MYT1L: variants seen among roughly 807,000 people sequenced by gnomAD.
MYT1L encodes the protein myelin transcription factor 1-like protein.
A neutral mutation model predicts 126.7 loss-of-function variants in MYT1L; 12 were observed. The observed-to-expected ratio is 0.09, with a 90% CI of 0.06 to 0.15. The LOEUF is 0.15. MYT1L is among the 10% of genes least tolerant of loss of function. The pLI is 1.00. For missense variants in MYT1L, 979 were observed against 1,585.2 expected, an observed-to-expected ratio of 0.62 and a Z score of 6.49; for synonymous variants, 541 against 604.2, an observed-to-expected ratio of 0.90 and a Z score of 1.53.
chr2:1,982,845 C>T (rs570889718), intron 5 of MYT1L, among the ~76,000 whole-genome samples: 2 of 152,310 alleles, frequency 1.3e-5, no homozygotes, highest in East Asian at 3.9e-4. Context: ...TTTATGATTT[C>T]TCTTGCTGTA....
intron 2 of MYT1L, among the ~76,000 whole-genome samples, chr2:2,231,155 C>T (rs1349834285): frequency 6.6e-6 from 1 of 152,180 alleles, no homozygotes; most frequent in African/African-American, 2.4e-5. Context: ...TCACTGGTTC[C>T]CAGACTATTG....
chr2:2,067,333 C>T (rs2074004068), intron 3 of MYT1L, among the ~76,000 whole-genome samples: 1 of 152,146 alleles, frequency 6.6e-6, no homozygotes, highest in Admixed American at 6.5e-5. Context: ...ATTAAAAATA[C>T]ATATATTCCT....
chr2:1,865,930 A>C (rs1332151034), intron 18 of MYT1L, among the ~76,000 whole-genome samples: 1 of 152,228 alleles, frequency 6.6e-6, no homozygotes, highest in Non-Finnish European at 1.5e-5. Context: ...TGAAATAGGC[A>C]CAGGCATTCA....
At chr2:2,063,108 T>G (rs2070750473) in intron 3 of MYT1L, among the ~76,000 whole-genome samples, 1 of 152,192 alleles carries the variant, frequency 6.6e-6, no homozygotes, top group Non-Finnish European at 1.5e-5. Flanking sequence ...GTGAGATTTT[T>G]TAAATTTAAA....
At chr2:1,985,302 A>G (rs2060926700) in intron 5 of MYT1L, among the ~76,000 whole-genome samples, 3 of 152,350 alleles carry the variant, frequency 2.0e-5, no homozygotes, top group African/African-American at 7.2e-5. Flanking sequence ...TGTGAGGGGT[A>G]AGGAAGGCTC....
chr2:1,966,870 G>GA (rs1332608456), intron 8 of MYT1L, among the ~76,000 whole-genome samples: 1 of 152,032 alleles, frequency 6.6e-6, no homozygotes, highest in Non-Finnish European at 1.5e-5. Flanking sequence ...AAAATCAGAG[G>GA]AAAAATCTAG....
intron 2 of MYT1L, among the ~76,000 whole-genome samples, chr2:2,205,078 C>G (rs1339128641): frequency 7.7e-6 from 1 of 130,186 alleles, no homozygotes; most frequent in South Asian, 2.4e-4. Context: ...CACATGGACA[C>G]AGGAAGGGGA....
rs575526456 is a variant in MYT1L at position 2,253,219 on chromosome 2, C to A, written c.-421+31185G>T. Among the ~76,000 whole-genome samples, 21 of 152,330 alleles carry A rather than the reference C, an allele frequency of 1.4e-4. 2 individuals carry two copies. In the South Asian group the frequency reaches 3.9e-3, roughly 29 times the overall value. ...AGCCGGAGCGGGCTCCACTGTCCAG[C>A]CTGGTCTCCATTCCAGCTGCAGCTT... On this transcript the variant is annotated intron_variant, in intron 2 of 24. Coordinates refer to ENST00000647738, the MANE Select transcript of MYT1L (RefSeq NM_001303052.2).
At chr2:2,234,810 A>C (rs569476414) in intron 2 of MYT1L, among the ~76,000 whole-genome samples, 1 of 152,344 alleles carries the variant, frequency 6.6e-6, no homozygotes, top group South Asian at 2.1e-4. Context: ...GCAAAATAAC[A>C]TAGGCTATTA....
At chr2:2,065,036 A>G (rs1416236698) in intron 3 of MYT1L, among the ~76,000 whole-genome samples, 1 of 152,104 alleles carries the variant, frequency 6.6e-6, no homozygotes, top group Non-Finnish European at 1.5e-5. Flanking sequence ...CCATCTCTAG[A>G]AAAATAAAAA....
intron 21 of MYT1L, among the ~76,000 whole-genome samples, chr2:1,815,563 T>C (rs2037490653): frequency 6.6e-6 from 1 of 152,214 alleles, no homozygotes; most frequent in Non-Finnish European, 1.5e-5. Context: ...GTCCTGCCTC[T>C]CAGTTGTCAG....
chr2:1,880,382 G>C (rs1225088076), intron 18 of MYT1L, among the ~76,000 whole-genome samples: 3 of 152,098 alleles, frequency 2.0e-5, no homozygotes, highest in African/African-American at 7.2e-5. Context: ...CTGTCACACA[G>C]GCTGGAGTGC....
At chr2:2,038,443 T>C (rs2067132601) in intron 4 of MYT1L, among the ~76,000 whole-genome samples, 1 of 152,100 alleles carries the variant, frequency 6.6e-6, no homozygotes, top group Non-Finnish European at 1.5e-5. Flanking sequence ...CTTCCTGCCA[T>C]CACCACCCTC....
At chr2:1,839,916 C>T (rs2041433612) in intron 20 of MYT1L, among the ~76,000 whole-genome samples, 1 of 152,150 alleles carries the variant, frequency 6.6e-6, no homozygotes. Flanking sequence ...CTCCTGGAAT[C>T]GGGCTGACAC....
chr2:2,076,462 T>G (rs754231988), intron 3 of MYT1L, among the ~76,000 whole-genome samples: 2 of 152,066 alleles, frequency 1.3e-5, no homozygotes, highest in Non-Finnish European at 2.9e-5. Flanking sequence ...CACTAACTTA[T>G]CCTGACCCAG....
chr2:2,171,465 C>T (rs189715064), intron 3 of MYT1L, among the ~76,000 whole-genome samples: 2 of 152,174 alleles, frequency 1.3e-5, no homozygotes, highest in Non-Finnish European at 2.9e-5. Context: ...TTTCACTAAA[C>T]GTCCTTAACT....
chr2:1,973,632 G>A (rs1045656032), intron 8 of MYT1L, among the ~76,000 whole-genome samples: 2 of 152,220 alleles, frequency 1.3e-5, no homozygotes, highest in Admixed American at 6.5e-5. Flanking sequence ...TCTTTAGCAG[G>A]TACTTGAGCC....
At chr2:2,129,554 C>A (rs2082105008) in intron 3 of MYT1L, among the ~76,000 whole-genome samples, 1 of 152,172 alleles carries the variant, frequency 6.6e-6, no homozygotes, top group Admixed American at 6.5e-5. Context: ...CAGGAGAGAA[C>A]ACAGCCAGCT....
intron 23 of MYT1L, among the ~76,000 whole-genome samples, chr2:1,795,229 G>A (rs969530182): frequency 2.6e-5 from 4 of 152,194 alleles, no homozygotes; most frequent in Non-Finnish European, 5.9e-5. Flanking sequence ...AATGCTCCTT[G>A]CCCACAACAT....
Sources: gnomAD v4.1 joint callset for allele counts (sites outside exome capture counted in the v4.1 genomes callset) on GRCh38, gnomAD v4.1.1 for gene constraint, MANE v1.5 for transcripts, NCBI Gene and HGNC (gene_info 2026-07-23, HGNC 2026-07-21) for gene names.